The following CFI variants were observed in gnomAD, a reference collection of about 807,000 sequenced individuals.
CFI encodes complement factor I, also known as C3B/C4B inactivator.
CFI carries 66 observed loss-of-function variants against 78.8 expected under a neutral mutation model. The ratio of observed to expected loss-of-function variants is 0.84; its 90% CI spans 0.69 to 1.03. CFI has a LOEUF of 1.03. Among genes scored for constraint, CFI ranks in the 50% least tolerant of loss-of-function variants. The probability of loss-of-function intolerance (pLI) is 0.00; values close to 1 mark genes in which losing one functional copy is unlikely to be tolerated. For missense variants in CFI, 706 were observed against 704.5 expected (o/e 1.00, Z -0.02); for synonymous variants, 250 against 232.6 (o/e 1.07, Z -0.68).
chr4:109,778,918 G>A (rs950931116), intron 1 of CFI, among the ~76,000 whole-genome samples: 5 of 152,128 alleles, frequency 3.3e-5, no homozygotes, highest in Admixed American at 6.5e-5. Context: ...AAAGGCCTTC[G>A]ACAAAATTCA....
intron 12 of CFI, chr4:109,742,130 C>T: frequency 4.1e-6 from 1 of 241,436 alleles, no homozygotes; most frequent in Non-Finnish European, 8.2e-6. Flanking sequence ...TGTAACTGCT[C>T]TGCATCTCAG....
intron 11 of CFI, among the ~76,000 whole-genome samples, chr4:109,744,707 G>A (rs1350300130): frequency 2.0e-5 from 3 of 152,010 alleles, no homozygotes; most frequent in South Asian, 2.1e-4. Flanking sequence ...AACCCCCTAC[G>A]TATATCTTTG....
intron 1 of CFI, among the ~76,000 whole-genome samples, chr4:109,771,996 T>C (rs1398757197): frequency 6.6e-6 from 1 of 152,196 alleles, no homozygotes; most frequent in Non-Finnish European, 1.5e-5. Context: ...AAGTTCACCT[T>C]AGAAATTAAG....
At chr4:109,755,749 G>A (rs528602325) in intron 7 of CFI, among the ~76,000 whole-genome samples, 19 of 152,218 alleles carry the variant, frequency 1.2e-4, no homozygotes, top group Non-Finnish European at 2.4e-4. Flanking sequence ...AAATTACCCC[G>A]TCTGTGGTAT....
chr4:109,754,412 T>TAA (rs56367098), intron 7 of CFI, among the ~76,000 whole-genome samples: 93,187 of 131,894 alleles, frequency 0.71, 33,174 homozygotes, highest in South Asian at 0.76. Context: ...ATGCAGAAGT[T>TAA]AAAAAAAAAA....
rs1395505893 is a variant in CFI at position 109,760,519 on chromosome 4, C to T, written c.772+4G>A. Reference sequence around the variant, plus strand: ...GAGGATTTAGAGGCTAGATTTATGTCTACCTTTACAACACAGTTCATCACT... The same window carrying T: ...GAGGATTTAGAGGCTAGATTTATGTTTACCTTTACAACACAGTTCATCACT... On this transcript the variant is annotated splice_donor_region_variant and intron_variant, in intron 5 of 12. Transcript: ENST00000394634. The T allele has an allele frequency of 1.2e-5, 18 of 1,553,654 alleles. No homozygotes were observed. The Admixed American group carries it at 3.0e-4, about 26-fold the overall frequency.
At chr4:109,743,909 C>A (rs918099467) in intron 11 of CFI, among the ~76,000 whole-genome samples, 4 of 151,856 alleles carry the variant, frequency 2.6e-5, no homozygotes, top group African/African-American at 9.7e-5. Flanking sequence ...CGCTTGAGCC[C>A]CAGAGCTCAA....
In CFI at chr4:109,764,697, TA is replaced by T. The variant is rs754551276; in HGVS notation, c.329-8del. On this transcript the variant is annotated splice_polypyrimidine_tract_variant and splice_region_variant and intron_variant, in intron 2 of 12. Coordinates refer to ENST00000394634, the MANE Select transcript of CFI (RefSeq NM_000204.5). ...AAGGAAACACTAAACTTTCCTAAAA[TA>T]AAAAAACAAAATAATGTGCAATATG... 1.4e-5 allele frequency: 22 copies of T among 1,612,098 alleles called. 1 individual carries two copies. The East Asian group carries it at 4.5e-4, about 33-fold the overall frequency.
In CFI at chr4:109,768,478, A is replaced by G. The variant is rs62324923; in HGVS notation, c.58-1654T>C. 9.9e-3 allele frequency among the ~76,000 whole-genome samples: 1,514 copies of G among 152,208 alleles called. 16 individuals carry two copies. Among genetic ancestry groups the G allele is most frequent in the Admixed American group, 0.014 (214 of 15,282 alleles). On this transcript the variant is annotated intron_variant, in intron 1 of 12. Transcript: ENST00000394634. ...ATCGTAAAATGAGATAATATCTCCT[A>G]TTTTGCAAGATTAGAAATACTATGT...
chr4:109,746,716 G>T (rs1724509080), intron 10 of CFI, among the ~76,000 whole-genome samples: 1 of 152,170 alleles, frequency 6.6e-6, no homozygotes, highest in South Asian at 2.1e-4. Flanking sequence ...CCATGTAACT[G>T]CTCAATATGA....
chr4:109,732,830 C>T, the CFI span, among the ~76,000 whole-genome samples: 3 of 145,352 alleles, frequency 2.1e-5, no homozygotes, highest in African/African-American at 5.2e-5. Flanking sequence ...GCACTCCAGC[C>T]GAGGCCACAG....
chr4:109,731,098 A>G, the CFI span, among the ~76,000 whole-genome samples: 1 of 152,152 alleles, frequency 6.6e-6, no homozygotes, highest in African/African-American at 2.4e-5. Context: ...TACGCCTGTA[A>G]TCCCAGCACC....
intron 1 of CFI, among the ~76,000 whole-genome samples, chr4:109,771,454 C>A (rs1376296610): frequency 6.6e-6 from 1 of 150,496 alleles, no homozygotes; most frequent in East Asian, 2.0e-4. Flanking sequence ...CCTATAATCC[C>A]AGCACTTTGG....
chr4:109,783,955 G>A (rs575132702), intron 1 of CFI, among the ~76,000 whole-genome samples: 29 of 151,436 alleles, frequency 1.9e-4, no homozygotes, highest in African/African-American at 5.3e-4. Flanking sequence ...AATATCGTAC[G>A]TTCTCACTGA....
chr4:109,735,232 G>T, the CFI span, among the ~76,000 whole-genome samples: 5,585 of 151,714 alleles, frequency 0.037, 182 homozygotes, highest in South Asian at 0.13. Context: ...TGGAATTACA[G>T]TCATGAGCCA....
rs151032601 is a variant in CFI, at chr4:109,796,738, C to T, written c.57+5177G>A. ...GCTTGAGCACAGGAGGCGAAGACTG[C>T]AGTGGGCTATAATTTGCCATTGCAT... On this transcript the variant is annotated intron_variant, in intron 1 of 12. Transcript: ENST00000394634. Among the ~76,000 whole-genome samples, 822 of 152,304 alleles carry T rather than the reference C, an allele frequency of 5.4e-3. 14 individuals carry two copies. Among genetic ancestry groups the T allele is most frequent in the African/African-American group, 0.019 (783 of 41,554 alleles).
At chr4:109,759,992 G>T (rs565668510) in intron 6 of CFI, 198 of 556,440 alleles carry the variant, frequency 3.6e-4, no homozygotes, top group African/African-American at 3.5e-3. Context: ...TCAATAACTT[G>T]CAGGTGGAAA....
chr4:109,797,249 G>T (rs74771380), intron 1 of CFI, among the ~76,000 whole-genome samples: 3 of 152,126 alleles, frequency 2.0e-5, no homozygotes, highest in Non-Finnish European at 4.4e-5. Flanking sequence ...ATGGAACAAA[G>T]TAGAAAGTTC....
At chr4:109,780,448 T>C (rs1376642398) in intron 1 of CFI, among the ~76,000 whole-genome samples, 1 of 152,144 alleles carries the variant, frequency 6.6e-6, no homozygotes, top group African/African-American at 2.4e-5. Flanking sequence ...CACAATGAGA[T>C]ACCATCTCAC....
Sources: gnomAD v4.1 joint callset for allele counts (sites outside exome capture counted in the v4.1 genomes callset) on GRCh38, gnomAD v4.1.1 for gene constraint, MANE v1.5 for transcripts, NCBI Gene and HGNC (gene_info 2026-07-23, HGNC 2026-07-21) for gene names.